Variants in ADGRE3 observed in about 807,000 individuals in gnomAD.
The protein encoded by ADGRE3 is adhesion G protein-coupled receptor E3, also known as EGF-like module receptor 3.
A neutral mutation model predicts 80.1 loss-of-function variants in ADGRE3; 88 were observed. The observed-to-expected ratio is 1.10, with a 90% CI of 0.93 to 1.31. ADGRE3 has a LOEUF of 1.31. Among genes scored for constraint, ADGRE3 ranks in the 40% most tolerant of loss-of-function variants. The pLI is 0.00. For synonymous variants in ADGRE3, 281 were observed against 294.8 expected (o/e 0.95, Z 0.48); for missense variants, 715 against 776.5 (o/e 0.92, Z 0.94).
intron 15 of ADGRE3, among the ~76,000 whole-genome samples, chr19:14,620,537 T>TGAC (rs1415988959): frequency 3.8e-4 from 7 of 18,448 alleles, no homozygotes; most frequent in African/African-American, 2.1e-3. Flanking sequence ...TATATATATT[T>TGAC]TATATATATA....
chr19:14,659,325 G>A (rs1046334124), intron 4 of ADGRE3, among the ~76,000 whole-genome samples: 1 of 152,100 alleles, frequency 6.6e-6, no homozygotes, highest in African/African-American at 2.4e-5. Context: ...TTACAGGCGC[G>A]AGCCACCGTG....
chr19:14,602,386 C>T, the ADGRE3 span, among the ~76,000 whole-genome samples: 6 of 152,034 alleles, frequency 3.9e-5, no homozygotes, highest in African/African-American at 1.4e-4. Flanking sequence ...GCCTCCTGGG[C>T]TCAAGTGATT....
intron 2 of ADGRE3, among the ~76,000 whole-genome samples, chr19:14,665,458 C>T (rs1359494751): frequency 4.6e-5 from 7 of 152,054 alleles, no homozygotes; most frequent in African/African-American, 9.6e-5. Context: ...TGACCGTGCA[C>T]GCAAGTCTTA....
At chr19:14,664,275 T>C (rs1484477767) in intron 2 of ADGRE3, among the ~76,000 whole-genome samples, 1 of 152,058 alleles carries the variant, frequency 6.6e-6, no homozygotes, top group Non-Finnish European at 1.5e-5. Context: ...CCATCTCTAC[T>C]GAAAATACAA....
chr19:14,645,429 C>T (rs1033414990), intron 8 of ADGRE3, among the ~76,000 whole-genome samples: 5 of 152,204 alleles, frequency 3.3e-5, no homozygotes, highest in African/African-American at 4.8e-5. Flanking sequence ...GAAGCCAAGG[C>T]GGGTGGATCA....
At chr19:14,653,546 G>A (rs947968183) in intron 6 of ADGRE3, among the ~76,000 whole-genome samples, 2 of 151,782 alleles carry the variant, frequency 1.3e-5, no homozygotes, top group Non-Finnish European at 2.9e-5. Context: ...CCTAGTCCTA[G>A]GTGCATTACA....
chr19:14,607,011 C>A, the ADGRE3 span: 1 of 1,302,086 alleles, frequency 7.7e-7, no homozygotes, highest in South Asian at 2.3e-5. Flanking sequence ...GGCCAAGGCC[C>A]ATGGCTCTCC....
chr19:14,663,328 G>T, intron 3 of ADGRE3, 90 bp downstream of exon 3: 1 of 789,728 alleles, frequency 1.3e-6, no homozygotes, highest in Non-Finnish European at 1.7e-6. Context: ...TCATGCCACA[G>T]CAGTCCAGCC....
chr19:14,638,851 G>A (rs1027261995), intron 10 of ADGRE3, among the ~76,000 whole-genome samples: 2 of 152,078 alleles, frequency 1.3e-5, no homozygotes, highest in Non-Finnish European at 2.9e-5. Flanking sequence ...ATTGCGTGGT[G>A]ACTATAGTTA....
At chr19:14,612,462 G>A in the ADGRE3 span, among the ~76,000 whole-genome samples, 6 of 151,856 alleles carry the variant, frequency 4.0e-5, no homozygotes, top group Non-Finnish European at 5.9e-5. Context: ...AGCCTCCTGA[G>A]TAGCTGGGAT....
Position 14,658,559 on chromosome 19 carries a change from G to T in ADGRE3, c.356-9C>A. 1.3e-6 allele frequency: 2 copies of T among 1,553,416 alleles called. No individual in the cohort carries two copies. The highest frequency in any genetic ancestry group is 1.2e-5 in the South Asian group (1 of 83,246). ...CTTTGAGGAGGTGGTGTCTGCAAAAGACATCATGATGGAGTTACTATTGGA... is the reference window on the plus strand; with the variant it reads ...CTTTGAGGAGGTGGTGTCTGCAAAATACATCATGATGGAGTTACTATTGGA... On this transcript the variant is annotated splice_polypyrimidine_tract_variant and intron_variant, in intron 4 of 15. Transcript: ENST00000253673.
At chr19:14,659,366 G>A (rs1971873526) in intron 4 of ADGRE3, among the ~76,000 whole-genome samples, 1 of 152,068 alleles carries the variant, frequency 6.6e-6, no homozygotes, top group Non-Finnish European at 1.5e-5. Context: ...ATTCCATCTT[G>A]ACTGGAAATT....
chr19:14,641,111 A>G (rs1246179297), intron 10 of ADGRE3, among the ~76,000 whole-genome samples: 1 of 152,194 alleles, frequency 6.6e-6, no homozygotes, highest in Non-Finnish European at 1.5e-5. Context: ...CCCTTCTTCA[A>G]AAATTCATCA....
chr19:14,665,239 T>C (rs1438818126), intron 2 of ADGRE3, among the ~76,000 whole-genome samples: 1 of 151,664 alleles, frequency 6.6e-6, no homozygotes, highest in Admixed American at 6.6e-5. Context: ...AATTTTTGTA[T>C]TTTTAGTAGA....
In ADGRE3 at chr19:14,630,200, C is replaced by A; in HGVS notation, c.1651G>T (p.Ala551Ser). ...AAGAGCTGAGCTGTTGCTTTGAAAG[C>A]CAGCATCCTGGGAGGAGGAAGTCAG... ...VSTIQNTRML[A>S]FKATAQLFIL... is the part of the protein sequence containing the mutation. Residue 551 changes from alanine to serine, a missense_variant, in exon 14 of 16, where the codon GCT (alanine) becomes TCT (serine). By Grantham distance (99) the Ala-to-Ser change is moderately conservative (BLOSUM62 1). Coordinates refer to ENST00000253673, the MANE Select transcript of ADGRE3 (RefSeq NM_032571.5). 1 of 1,599,752 alleles carries A rather than the reference C, an allele frequency of 6.3e-7. No homozygotes were observed. The highest frequency in any genetic ancestry group is 8.5e-7 in the Non-Finnish European group (1 of 1,172,260).
At chr19:14,626,165 G>A (rs1970734459) in intron 14 of ADGRE3, among the ~76,000 whole-genome samples, 1 of 152,102 alleles carries the variant, frequency 6.6e-6, no homozygotes, top group Non-Finnish European at 1.5e-5. Flanking sequence ...GGCCAGGTGT[G>A]GTGGCTCACA....
intron 6 of ADGRE3, 98 bp from the exon 7 acceptor site, chr19:14,651,302 C>T: frequency 7.4e-7 from 1 of 1,343,626 alleles, no homozygotes; most frequent in Non-Finnish European, 1.0e-6. Flanking sequence ...GTAGTCCCAA[C>T]TACTCAAGAG....
chr19:14,656,765 T>C (rs1278988562), intron 5 of ADGRE3, among the ~76,000 whole-genome samples: 1 of 152,212 alleles, frequency 6.6e-6, no homozygotes, highest in African/African-American at 2.4e-5. Context: ...CGCAGCTTGA[T>C]TTTACAGGCT....
chr19:14,664,696 G>A (rs1219360747), intron 2 of ADGRE3, among the ~76,000 whole-genome samples: 1 of 152,028 alleles, frequency 6.6e-6, no homozygotes, highest in African/African-American at 2.4e-5. Context: ...GCGACAGAGT[G>A]AGGCTCTGTC....
Sources: allele counts gnomAD v4.1 joint callset (sites outside exome capture counted in the v4.1 genomes callset), GRCh38; gene constraint gnomAD v4.1.1; transcripts MANE v1.5; gene names NCBI Gene and HGNC (gene_info 2026-07-23, HGNC 2026-07-21).